The following COBL variants were observed in gnomAD, a reference collection of about 807,000 sequenced individuals.
COBL encodes cordon-bleu WH2 repeat protein, also known as protein cordon-bleu.
Under a neutral mutation model 98.8 loss-of-function variants are expected in COBL, and 51 were observed. The observed-to-expected ratio is 0.52, with a 90% confidence interval of 0.41 to 0.65. COBL has a LOEUF of 0.65. Among genes scored for constraint, COBL ranks in the 30% least tolerant of loss-of-function variants. COBL has a pLI of 0.00. For missense variants in COBL, 1,617 were observed against 1,617.5 expected, an observed-to-expected ratio of 1.00 and a Z score of 0.01; for synonymous variants, 634 against 651.7, an observed-to-expected ratio of 0.97 and a Z score of 0.41.
At chr7:51,177,688 A>G (rs28648004) in intron 5 of COBL, among the ~76,000 whole-genome samples, 14,642 of 151,730 alleles carry the variant, frequency 0.097, 946 homozygotes, top group African/African-American at 0.18. Context: ...CAGGAGAATC[A>G]CTTGAACCCA....
intron 7 of COBL, among the ~76,000 whole-genome samples, chr7:51,083,931 T>C (rs1006516963): frequency 6.6e-6 from 1 of 152,122 alleles, no homozygotes; most frequent in African/African-American, 2.4e-5. Context: ...TGGATGCCAC[T>C]TAAAATTTAA....
At chr7:51,044,841 C>T (rs556884190) in intron 7 of COBL, among the ~76,000 whole-genome samples, 23 of 152,222 alleles carry the variant, frequency 1.5e-4, no homozygotes, top group Admixed American at 4.6e-4. Flanking sequence ...CTTATCACCA[C>T]GAAACCAAAA....
chr7:51,108,804 TG>T (rs928514765), intron 6 of COBL, among the ~76,000 whole-genome samples: 2 of 152,088 alleles, frequency 1.3e-5, no homozygotes, highest in Non-Finnish European at 2.9e-5. Context: ...GAGCCAGCCT[TG>T]GGGAGGTCAC....
rs556881082 is a variant in COBL, at chr7:51,200,844, AAAT to A, written c.246-7258_246-7256del. On this transcript the variant is annotated intron_variant, in intron 2 of 12. Coordinates refer to ENST00000265136, the MANE Select transcript of COBL (RefSeq NM_015198.5). Reference sequence around the variant, plus strand: ...AAGAAATACCGTAGATGAACAAATAAAATAATAATAATAAACTATGCTGTCTAC... The same window carrying A: ...AAGAAATACCGTAGATGAACAAATAAAATAATAATAAACTATGCTGTCTAC... Among the ~76,000 whole-genome samples, 34 of 152,292 alleles carry A rather than the reference AAAT, an allele frequency of 2.2e-4. No homozygotes were observed. In the South Asian group the frequency reaches 6.6e-3, roughly 30 times the overall value.
At chr7:51,261,694 C>T (rs914431177) in intron 1 of COBL, among the ~76,000 whole-genome samples, 8 of 152,096 alleles carry the variant, frequency 5.3e-5, no homozygotes, top group African/African-American at 1.4e-4. Context: ...GGGCCAGGCG[C>T]GGTGGCTCAC....
At chr7:51,242,399 T>C (rs758270) in intron 1 of COBL, among the ~76,000 whole-genome samples, 46,665 of 152,196 alleles carry the variant, frequency 0.31, 9,100 homozygotes, top group Non-Finnish European at 0.43. Context: ...CTTTCATTGC[T>C]TCATTCTTTC....
intron 6 of COBL, among the ~76,000 whole-genome samples, chr7:51,111,514 T>C (rs1796818660): frequency 6.6e-6 from 1 of 152,198 alleles, no homozygotes; most frequent in Non-Finnish European, 1.5e-5. Flanking sequence ...TGTGGCATCC[T>C]GCTCTTCCAG....
intron 5 of COBL, among the ~76,000 whole-genome samples, chr7:51,170,287 A>G (rs1787724424): frequency 1.3e-5 from 2 of 151,848 alleles, no homozygotes; most frequent in Non-Finnish European, 2.9e-5. Context: ...GTTGTATACC[A>G]TGCTTCGATA....
chr7:51,195,147 A>G (rs114906529), intron 2 of COBL, among the ~76,000 whole-genome samples: 1,871 of 152,140 alleles, frequency 0.012, 35 homozygotes, highest in African/African-American at 0.043. Context: ...TTTATAGTTT[A>G]GGTTTTAAAT....
At chr7:51,199,296 C>A (rs772071107) in intron 2 of COBL, among the ~76,000 whole-genome samples, 9 of 152,126 alleles carry the variant, frequency 5.9e-5, no homozygotes, top group African/African-American at 1.7e-4. Context: ...ATACCAGAGG[C>A]AATAACATCA....
At chr7:51,275,174 AC>A (rs1357897595) in intron 1 of COBL, among the ~76,000 whole-genome samples, 2 of 152,194 alleles carry the variant, frequency 1.3e-5, no homozygotes, top group East Asian at 3.9e-4. Context: ...GAGAGGGGTC[AC>A]CCCTGCGGGC....
intron 7 of COBL, chr7:51,071,634 G>A (rs963145514): frequency 3.9e-5 from 6 of 151,954 alleles, no homozygotes; most frequent in East Asian, 1.9e-4. Flanking sequence ...GCTGCCTCTC[G>A]AACCAATAAT....
At position 51,029,475 on chromosome 7, in the gene COBL, C is replaced by T; in HGVS notation, c.1621G>A (p.Val541Ile). ...TCTGAAACTTCCCCTATGAATGTTACTGGGATTGCATCTGTGTCGCCGTGA... is the reference window on the plus strand; with the variant it reads ...TCTGAAACTTCCCCTATGAATGTTATTGGGATTGCATCTGTGTCGCCGTGA... ...IPHGDTDAIP[V>I]TFIGEVSDDP... The change falls in exon 10 of 13, where the codon GTA (valine) becomes ATA (isoleucine). Residue 541 changes from valine (V) to isoleucine (I), a missense_variant. Transcript: ENST00000265136. 6.2e-7 allele frequency: 1 copy of T among 1,614,158 alleles called. No homozygotes were observed. The highest frequency in any genetic ancestry group is 8.5e-7 in the Non-Finnish European group (1 of 1,180,028).
intron 7 of COBL, among the ~76,000 whole-genome samples, chr7:51,056,812 A>AACAC (rs3047115): frequency 0.44 from 63,017 of 143,410 alleles, 15,652 homozygotes; most frequent in Non-Finnish European, 0.58. Flanking sequence ...GTGCTCTCCC[A>AACAC]ACACACACAC....
intron 6 of COBL, among the ~76,000 whole-genome samples, chr7:51,086,867 T>C (rs1232705755): frequency 2.0e-5 from 3 of 152,106 alleles, no homozygotes; most frequent in Non-Finnish European, 4.4e-5. Flanking sequence ...CCTCTAAAAT[T>C]CTGTAATATA....
chr7:51,284,082 G>A (rs139752364), intron 1 of COBL, among the ~76,000 whole-genome samples: 24 of 139,910 alleles, frequency 1.7e-4, no homozygotes, highest in East Asian at 2.1e-4. Context: ...TCAGGAGATC[G>A]AGACCATCCT....
chr7:51,077,399 A>G (rs1793195156), intron 7 of COBL, among the ~76,000 whole-genome samples: 1 of 152,158 alleles, frequency 6.6e-6, no homozygotes, highest in Non-Finnish European at 1.5e-5. Context: ...ATATTTATCA[A>G]CTCAGACTCT....
At chr7:51,225,435 C>G (rs149766712) in intron 1 of COBL, among the ~76,000 whole-genome samples, 1 of 152,160 alleles carries the variant, frequency 6.6e-6, no homozygotes, top group Non-Finnish European at 1.5e-5. Flanking sequence ...CAGGTGCTCC[C>G]GGCTGGCAGT....
intron 1 of COBL, among the ~76,000 whole-genome samples, chr7:51,256,106 C>T (rs1408135940): frequency 6.6e-6 from 1 of 152,124 alleles, no homozygotes; most frequent in Non-Finnish European, 1.5e-5. Flanking sequence ...AATTCCATGT[C>T]ACACTGTCGT....
Sources: gnomAD v4.1 joint callset for allele counts (sites outside exome capture counted in the v4.1 genomes callset) on GRCh38, gnomAD v4.1.1 for gene constraint, MANE v1.5 for transcripts, NCBI Gene and HGNC (gene_info 2026-07-23, HGNC 2026-07-21) for gene names.